Variants in POGZ observed in about 807,000 individuals in gnomAD.
The protein encoded by POGZ is pogo transposable element derived with ZNF domain.
A neutral mutation model predicts 134.6 loss-of-function variants in POGZ; 17 were observed. The observed-to-expected ratio is 0.13, with a 90% confidence interval of 0.09 to 0.19. The LOEUF (loss-of-function observed/expected upper bound fraction) is 0.19, where lower values mean the gene tolerates loss of function less well. Ranked by LOEUF, POGZ falls within the 10% of genes least tolerant of loss-of-function variation. The pLI is 1.00. For synonymous variants in POGZ, 693 were observed against 657.1 expected (o/e 1.05, Z -0.84); for missense variants, 1,306 against 1,769.7 (o/e 0.74, Z 4.70).
intron 1 of POGZ, among the ~76,000 whole-genome samples, chr1:151,445,217 A>G (rs1285361569): frequency 2.0e-5 from 3 of 152,176 alleles, no homozygotes; most frequent in Non-Finnish European, 4.4e-5. Flanking sequence ...TAAAAGACTC[A>G]AAATGAAAAG....
Position 151,427,813 on chromosome 1 carries a change from G to T in POGZ, c.1078+10C>A. 1 of 1,581,766 alleles carries T rather than the reference G, an allele frequency of 6.3e-7. No homozygotes were observed. On this transcript the variant is annotated intron_variant, in intron 7 of 18. Coordinates refer to ENST00000271715, the MANE Select transcript of POGZ (RefSeq NM_015100.4). ...TGACTGGCTGCTCAGAGTCTTTCAGGTTATTGTACCTTTCATTGAAGACTC... is the reference window on the plus strand; with the variant it reads ...TGACTGGCTGCTCAGAGTCTTTCAGTTTATTGTACCTTTCATTGAAGACTC...
At chr1:151,443,950 A>G (rs1352506897) in intron 1 of POGZ, among the ~76,000 whole-genome samples, 1 of 152,184 alleles carries the variant, frequency 6.6e-6, no homozygotes. Flanking sequence ...AACCAAAACC[A>G]AACAACCAAC....
intron 10 of POGZ, among the ~76,000 whole-genome samples, chr1:151,422,947 A>G (rs780820013): frequency 1.3e-5 from 2 of 152,246 alleles, no homozygotes; most frequent in Non-Finnish European, 2.9e-5. Flanking sequence ...CTACATGTAT[A>G]AAATATACAG....
intron 3 of POGZ, among the ~76,000 whole-genome samples, chr1:151,436,918 G>A (rs1659679230): frequency 6.6e-6 from 1 of 152,198 alleles, no homozygotes; most frequent in South Asian, 2.1e-4. Flanking sequence ...CGAGGGCCAG[G>A]TGAGGCGGCT....
intron 1 of POGZ, among the ~76,000 whole-genome samples, chr1:151,457,399 C>A (rs571030566): frequency 2.0e-5 from 3 of 152,164 alleles, no homozygotes; most frequent in African/African-American, 7.2e-5. Context: ...TGACAACCCC[C>A]CTCTGCTCCA....
At chr1:151,434,831 C>A (rs895649445) in intron 3 of POGZ, among the ~76,000 whole-genome samples, 3 of 151,996 alleles carry the variant, frequency 2.0e-5, no homozygotes, top group Non-Finnish European at 4.4e-5. Flanking sequence ...ATCTGCCCAC[C>A]TTGCACATAA....
In POGZ at chr1:151,403,956, T is replaced by C. The variant is rs1343106063; in HGVS notation, c.*846A>G. On this transcript the variant is annotated 3_prime_UTR_variant, in exon 19 of 19. Coordinates refer to ENST00000271715, the MANE Select transcript of POGZ (RefSeq NM_015100.4). ...GTATCTCTTGCTTGCTAATAACACC[T>C]GTATGATCCTTTGTCCAGAGGGATG... 1 of 985,324 alleles carries C rather than the reference T, an allele frequency of 1.0e-6. No individual in the cohort carries two copies. The highest frequency in any genetic ancestry group is 1.7e-5 in the African/African-American group (1 of 57,242). 61.0% of individuals were successfully genotyped at this position (985,324 alleles called of 1,614,324 possible).
At chr1:151,425,254 T>G (rs563939851) in intron 7 of POGZ, 193 bp from the exon 8 acceptor site, 1 of 440,126 alleles carries the variant, frequency 2.3e-6, no homozygotes. Context: ...CAGGCTGGAG[T>G]GCAGTGGCAC....
chr1:151,421,711 C>T (rs1271839476), intron 10 of POGZ, among the ~76,000 whole-genome samples: 2 of 152,174 alleles, frequency 1.3e-5, no homozygotes, highest in African/African-American at 4.8e-5. Context: ...CTGAAGCATC[C>T]ATTTCTGTAT....
chr1:151,455,077 A>G (rs1662609910), intron 1 of POGZ: 1 of 151,938 alleles, frequency 6.6e-6, no homozygotes, highest in Admixed American at 6.6e-5. Context: ...ATTACGCTCC[A>G]GCCTGGGCAA....
At chr1:151,428,072 TC>T (rs777096873) in intron 6 of POGZ, 31 bp from the exon 7 acceptor site, 1 of 1,613,216 alleles carries the variant, frequency 6.2e-7, no homozygotes, top group South Asian at 1.1e-5. Context: ...TCATCTGTTC[TC>T]CACCCACCAT....
rs539584006 is a variant in POGZ, at chr1:151,459,390, A to AG, written c.-241dup. The AG allele has an allele frequency of 2.5e-4, 4 of 15,926 alleles. No individual in the cohort carries two copies. Among genetic ancestry groups the AG allele is most frequent in the East Asian group, 1.5e-3 (1 of 648 alleles). 1.0% of individuals were successfully genotyped at this position (15,926 alleles called of 1,614,324 possible). On this transcript the variant is annotated 5_prime_UTR_variant, in exon 1 of 19. Transcript: ENST00000271715. ...GAGGGGGGCGGGGGGGCCCCGAGGG[A>AG]GGGGGGTGGGGGGGCCAAGGAATGC... is the stretch of plus-strand genomic sequence containing the variant.
chr1:151,448,890 G>A (rs538571071), intron 1 of POGZ, among the ~76,000 whole-genome samples: 7 of 151,910 alleles, frequency 4.6e-5, no homozygotes, highest in Admixed American at 3.3e-4. Flanking sequence ...AAACAAACAC[G>A]CAAACAAACA....
At chr1:151,416,625 G>T (rs1173011508) in intron 10 of POGZ, among the ~76,000 whole-genome samples, 8 of 139,806 alleles carry the variant, frequency 5.7e-5, no homozygotes, top group South Asian at 2.2e-4. Context: ...TACTTTTTGG[G>T]TTTTTTTTTT....
At chr1:151,428,536 G>A in intron 5 of POGZ, 123 bp from the exon 6 acceptor site, 2 of 859,422 alleles carry the variant, frequency 2.3e-6, no homozygotes, top group East Asian at 2.4e-5. Flanking sequence ...GTTTCCAAGA[G>A]GAGTATAGAT....
intron 4 of POGZ, among the ~76,000 whole-genome samples, chr1:151,430,461 G>C (rs1368500574): frequency 6.6e-6 from 1 of 152,148 alleles, no homozygotes; most frequent in African/African-American, 2.4e-5. Flanking sequence ...AAACTTCTAA[G>C]GGGTTTAAAG....
chr1:151,445,838 AAC>A (rs1315021626), intron 1 of POGZ, among the ~76,000 whole-genome samples: 2 of 152,176 alleles, frequency 1.3e-5, no homozygotes, highest in Non-Finnish European at 2.9e-5. Context: ...TAAAAGATAC[AAC>A]AGAGATATAT....
At position 151,419,465 on chromosome 1, in the gene POGZ, T is replaced by C. The variant is rs543378544; in HGVS notation, c.1678+3932A>G. Among the ~76,000 whole-genome samples, 15 of 151,542 alleles carry C rather than the reference T, an allele frequency of 9.9e-5. No individual in the cohort carries two copies. The Middle Eastern group carries it at 0.01, about 104-fold the overall frequency. On this transcript the variant is annotated intron_variant, in intron 10 of 18. Coordinates refer to ENST00000271715, the MANE Select transcript of POGZ (RefSeq NM_015100.4). Reference sequence around the variant, plus strand: ...TAATTTGAGACCAGCCTGGGCAGCATGGCAAAACCCTATCTCTACAAAAAA... The same window carrying C: ...TAATTTGAGACCAGCCTGGGCAGCACGGCAAAACCCTATCTCTACAAAAAA...
rs1653128770 is a variant in POGZ, at chr1:151,403,898, TGG to T, written c.*902_*903del. The T allele has an allele frequency of 2.0e-6, 2 of 985,336 alleles. No individual in the cohort carries two copies. The highest frequency in any genetic ancestry group is 9.4e-5 in the South Asian group (2 of 21,294). The allele number at this position is 985,336 out of a possible 1,614,324, so 61.0% of individuals were successfully genotyped here. A position where few individuals can be genotyped will look rare whatever the true frequency, so the allele number is the denominator to read the frequency against. On this transcript the variant is annotated 3_prime_UTR_variant, in exon 19 of 19. Transcript: ENST00000271715. ...ACAGGATGAAGACTCAAACTGGGAA[TGG>T]CTTCCACCCTAAAACTGTTTGATCG... is the stretch of plus-strand genomic sequence containing the variant.
Sources: allele counts gnomAD v4.1 joint callset (sites outside exome capture counted in the v4.1 genomes callset), GRCh38; gene constraint gnomAD v4.1.1; transcripts MANE v1.5; gene names NCBI Gene and HGNC (gene_info 2026-07-23, HGNC 2026-07-21).